The following EXOC6B variants were observed in gnomAD, a reference collection of about 807,000 sequenced individuals.
EXOC6B encodes the protein exocyst complex component 6B.
Under a neutral mutation model 113.5 loss-of-function variants are expected in EXOC6B, and 54 were observed. The ratio of observed to expected loss-of-function variants is 0.48; its 90% CI spans 0.38 to 0.60. EXOC6B has a LOEUF of 0.60. Ranked by LOEUF, EXOC6B falls within the 20% of genes least tolerant of loss-of-function variation. The pLI is 0.00. For synonymous variants in EXOC6B, 357 were observed against 339.0 expected (o/e 1.05, Z -0.58); for missense variants, 797 against 977.5 (o/e 0.82, Z 2.46).
intron 17 of EXOC6B, among the ~76,000 whole-genome samples, chr2:72,475,115 C>T (rs1425549232): frequency 1.3e-5 from 2 of 152,084 alleles, no homozygotes; most frequent in African/African-American, 2.4e-5. Flanking sequence ...GTAGGTCGGT[C>T]TTTGAGCCCC....
At chr2:72,229,196 T>C (rs1379886100) in intron 20 of EXOC6B, among the ~76,000 whole-genome samples, 1 of 152,036 alleles carries the variant, frequency 6.6e-6, no homozygotes. Context: ...ATGCCTTTAA[T>C]GGGGAGGAGG....
At chr2:72,325,495 G>A (rs1220289240) in intron 20 of EXOC6B, among the ~76,000 whole-genome samples, 1 of 151,850 alleles carries the variant, frequency 6.6e-6, no homozygotes, top group African/African-American at 2.4e-5. Context: ...CAAGCCTGGT[G>A]TTTTATCTCC....
intron 1 of EXOC6B, among the ~76,000 whole-genome samples, chr2:72,818,858 C>T (rs77366967): frequency 3.9e-5 from 6 of 152,190 alleles, no homozygotes; most frequent in Non-Finnish European, 8.8e-5. Flanking sequence ...AGCCATATGG[C>T]TTGTTGCTTC....
At chr2:72,757,882 C>G (rs1682519625) in intron 1 of EXOC6B, among the ~76,000 whole-genome samples, 1 of 152,016 alleles carries the variant, frequency 6.6e-6, no homozygotes, top group South Asian at 2.1e-4. Context: ...ACATATGGGC[C>G]AGGCACAGTG....
Position 72,411,063 on chromosome 2 carries a change from G to T in EXOC6B, c.1981-31193C>A, listed in dbSNP as rs189195631. Among the ~76,000 whole-genome samples the T allele has an allele frequency of 3.9e-5, 6 of 152,190 alleles. No homozygotes were observed. The East Asian group carries it at 1.2e-3, about 29-fold the overall frequency. ...GTCTCTACTAAAAATACAAAAATTA[G>T]CTGGGTATGGTGGTGCACGCCTGTG... On this transcript the variant is annotated intron_variant, in intron 18 of 21. Coordinates refer to ENST00000272427, the MANE Select transcript of EXOC6B (RefSeq NM_015189.3).
At chr2:72,730,907 C>A in intron 5 of EXOC6B, 100 bp downstream of exon 5, 1 of 758,832 alleles carries the variant, frequency 1.3e-6, no homozygotes, top group East Asian at 2.8e-5. Flanking sequence ...ATGTTAGAAA[C>A]TTAATTTTTT....
intron 6 of EXOC6B, among the ~76,000 whole-genome samples, chr2:72,581,617 CA>C (rs1705229883): frequency 6.6e-6 from 1 of 152,138 alleles, no homozygotes; most frequent in Non-Finnish European, 1.5e-5. Context: ...GAGGCCCAAG[CA>C]GATCTCCAAG....
intron 6 of EXOC6B, among the ~76,000 whole-genome samples, chr2:72,654,955 T>C (rs1674478203): frequency 6.6e-6 from 1 of 152,218 alleles, no homozygotes; most frequent in Admixed American, 6.5e-5. Context: ...AATTAACTCA[T>C]TCTCATTATT....
chr2:72,650,612 G>GAAAAAAAAAAAAAAAAAAA (rs59626760), intron 6 of EXOC6B, among the ~76,000 whole-genome samples: 1 of 147,638 alleles, frequency 6.8e-6, no homozygotes, highest in Non-Finnish European at 1.5e-5. Context: ...GAAAAGAAAA[G>GAAAAAAAAAAAAAAAAAAA]AAAAAAAAAA....
chr2:72,410,546 C>T (rs1694106940), intron 18 of EXOC6B, among the ~76,000 whole-genome samples: 2 of 152,054 alleles, frequency 1.3e-5, no homozygotes, highest in Non-Finnish European at 2.9e-5. Context: ...AATCAGCTTA[C>T]CAAACAGTAT....
intron 18 of EXOC6B, among the ~76,000 whole-genome samples, chr2:72,389,953 T>A (rs1692267668): frequency 6.6e-6 from 1 of 152,086 alleles, no homozygotes; most frequent in African/African-American, 2.4e-5. Flanking sequence ...ATACTGTCTG[T>A]CCCCCAAGAA....
intron 6 of EXOC6B, among the ~76,000 whole-genome samples, chr2:72,706,221 A>G (rs1160951846): frequency 6.6e-6 from 1 of 152,166 alleles, no homozygotes; most frequent in African/African-American, 2.4e-5. Context: ...TTGTGAACAG[A>G]TTTCTGGAGG....
At chr2:72,596,241 A>G (rs1185075671) in intron 6 of EXOC6B, among the ~76,000 whole-genome samples, 1 of 152,240 alleles carries the variant, frequency 6.6e-6, no homozygotes, top group African/African-American at 2.4e-5. Flanking sequence ...CCATCAGAGA[A>G]TTGAGGTCCC....
rs534470777 is a variant in EXOC6B at position 72,481,417 on chromosome 2, C to T, written c.1666-667G>A. ...ATTAGACTAAGAACAGAAATTGCTA[C>T]GGTTTAGCATGATGCCTTCCAACTA... On this transcript the variant is annotated intron_variant, in intron 16 of 21. Transcript: ENST00000272427. Among the ~76,000 whole-genome samples the T allele has an allele frequency of 1.4e-4, 22 of 152,260 alleles. 1 individual carries two copies. Among genetic ancestry groups the T allele is most frequent in the African/African-American group, 4.3e-4 (18 of 41,556 alleles).
Position 72,541,804 on chromosome 2 carries a change from C to G in EXOC6B, c.915+17649G>C, listed in dbSNP as rs78849360. On this transcript the variant is annotated intron_variant, in intron 8 of 21. Coordinates refer to ENST00000272427, the MANE Select transcript of EXOC6B (RefSeq NM_015189.3). ...CCAGCTATTACACCAGGTGTTTTTA[C>G]ATAGACTTTTTTCATTTCATTCTCG... Among the ~76,000 whole-genome samples the G allele has an allele frequency of 5.6e-3, 846 of 152,236 alleles. 7 individuals are homozygous for G. The highest frequency in any genetic ancestry group is 0.02 in the African/African-American group (818 of 41,548).
At chr2:72,468,303 C>T (rs1698184068) in intron 17 of EXOC6B, among the ~76,000 whole-genome samples, 1 of 151,716 alleles carries the variant, frequency 6.6e-6, no homozygotes, top group South Asian at 2.1e-4. Flanking sequence ...GTCTTTAATC[C>T]ATTTTATGCT....
At chr2:72,480,282 C>T (rs959227514) in intron 17 of EXOC6B, among the ~76,000 whole-genome samples, 3 of 152,018 alleles carry the variant, frequency 2.0e-5, no homozygotes, top group Admixed American at 6.6e-5. Context: ...TTAATGTCAG[C>T]CATAACTATG....
chr2:72,681,020 C>A (rs940336568), intron 6 of EXOC6B, among the ~76,000 whole-genome samples: 1 of 152,186 alleles, frequency 6.6e-6, no homozygotes, highest in Non-Finnish European at 1.5e-5. Flanking sequence ...AATCTTCACA[C>A]ACACACCCGC....
intron 19 of EXOC6B, among the ~76,000 whole-genome samples, chr2:72,371,930 A>T (rs1321000046): frequency 6.6e-6 from 1 of 152,218 alleles, no homozygotes; most frequent in Non-Finnish European, 1.5e-5. Flanking sequence ...AAAAACCTAA[A>T]GCCTCCACCA....
Sources: gnomAD v4.1 joint callset for allele counts (sites outside exome capture counted in the v4.1 genomes callset) on GRCh38, gnomAD v4.1.1 for gene constraint, MANE v1.5 for transcripts, NCBI Gene and HGNC (gene_info 2026-07-23, HGNC 2026-07-21) for gene names.